PLCL1: variants seen among roughly 807,000 people sequenced by gnomAD.
The protein encoded by PLCL1 is phospholipase C like 1 (inactive), also known as inactive phospholipase C-like protein 1.
PLCL1 carries 41 observed loss-of-function variants against 84.4 expected under a neutral mutation model. The observed-to-expected ratio is 0.49, with a 90% CI of 0.38 to 0.63. The LOEUF (loss-of-function observed/expected upper bound fraction) is 0.63. Among genes scored for constraint, PLCL1 ranks in the 30% least tolerant of loss-of-function variants. The pLI is 0.00. For synonymous variants in PLCL1, 490 were observed against 488.3 expected, an observed-to-expected ratio of 1.00 and a Z score of -0.05; for missense variants, 1,206 against 1,367.8, an observed-to-expected ratio of 0.88 and a Z score of 1.87.
intron 1 of PLCL1, among the ~76,000 whole-genome samples, chr2:197,836,295 A>T (rs1691185449): frequency 6.6e-6 from 1 of 151,824 alleles, no homozygotes; most frequent in Non-Finnish European, 1.5e-5. Context: ...AAAATACAAA[A>T]AATTAGCCGG....
intron 1 of PLCL1, among the ~76,000 whole-genome samples, chr2:197,892,796 C>A (rs1396581974): frequency 6.6e-6 from 1 of 152,126 alleles, no homozygotes; most frequent in Non-Finnish European, 1.5e-5. Flanking sequence ...AGTTCGAGAT[C>A]AGCCTGATCA....
intron 1 of PLCL1, among the ~76,000 whole-genome samples, chr2:198,002,654 G>A (rs1690629983): frequency 6.6e-6 from 1 of 152,132 alleles, no homozygotes; most frequent in Non-Finnish European, 1.5e-5. Context: ...AGATTCTTAT[G>A]CATATAAACT....
intron 2 of PLCL1, among the ~76,000 whole-genome samples, chr2:198,086,709 G>A (rs1692893515): frequency 1.3e-5 from 2 of 152,166 alleles, no homozygotes; most frequent in Non-Finnish European, 2.9e-5. Context: ...TATATTTTAT[G>A]TTTCTAACTG....
rs971010893 is a variant in PLCL1, at chr2:198,083,924, C to T, written c.407C>T (p.Thr136Ile). ...PNSRIYNRFF[T>I]LDTDLQALRW... ...TCTCGCATTTACAACCGTTTTTTCA[C>T]TCTGGACACAGACCTTCAAGCTCTT... Residue 136 changes from threonine to isoleucine, a missense_variant, in exon 2 of 6, where the codon ACT becomes ATT. Thr to Ile is a moderately conservative substitution (Grantham distance 89). Coordinates refer to ENST00000428675, the MANE Select transcript of PLCL1 (RefSeq NM_006226.4). 3.1e-5 allele frequency: 50 copies of T among 1,613,998 alleles called. No individual in the cohort carries two copies. The highest frequency in any genetic ancestry group is 4.2e-5 in the Non-Finnish European group (49 of 1,179,998).
At chr2:198,113,039 A>T (rs1245149192) in intron 5 of PLCL1, among the ~76,000 whole-genome samples, 5 of 151,942 alleles carry the variant, frequency 3.3e-5, no homozygotes, top group Non-Finnish European at 7.4e-5. Flanking sequence ...TGTAGAGTAT[A>T]CATTTAGAAG....
intron 5 of PLCL1, among the ~76,000 whole-genome samples, chr2:198,106,927 C>G (rs1353104410): frequency 2.6e-5 from 4 of 151,806 alleles, no homozygotes. Context: ...TAACTCACGC[C>G]CATGGTTCTA....
intron 1 of PLCL1, among the ~76,000 whole-genome samples, chr2:197,930,699 AT>A (rs1474898168): frequency 6.6e-6 from 1 of 152,084 alleles, no homozygotes; most frequent in Non-Finnish European, 1.5e-5. Context: ...GTGAGGAAGA[AT>A]TGTAATCAGT....
chr2:198,116,890 A>G (rs1693760745), intron 5 of PLCL1, among the ~76,000 whole-genome samples: 2 of 151,924 alleles, frequency 1.3e-5, no homozygotes, highest in Admixed American at 1.3e-4. Context: ...TTTATTTAAA[A>G]GATAACTATT....
intron 1 of PLCL1, among the ~76,000 whole-genome samples, chr2:198,083,111 T>C (rs768532613): frequency 9.2e-5 from 14 of 152,240 alleles, no homozygotes; most frequent in Non-Finnish European, 1.8e-4. Context: ...CTGTGCCTGC[T>C]AATAACATTG....
intron 1 of PLCL1, among the ~76,000 whole-genome samples, chr2:197,835,730 A>G (rs1419803517): frequency 6.6e-6 from 1 of 152,248 alleles, no homozygotes; most frequent in Non-Finnish European, 1.5e-5. Context: ...ATTACATGAG[A>G]CAACGTATGT....
chr2:197,990,844 G>A (rs539196458), intron 1 of PLCL1, among the ~76,000 whole-genome samples: 1 of 152,296 alleles, frequency 6.6e-6, no homozygotes, highest in East Asian at 1.9e-4. Context: ...AAGTGGAAAT[G>A]TAGAGTCTGG....
chr2:197,943,196 C>CAAA (rs869096042), intron 1 of PLCL1, among the ~76,000 whole-genome samples: 6 of 104,954 alleles, frequency 5.7e-5, no homozygotes, highest in South Asian at 3.4e-4. Context: ...GACCCTCTCT[C>CAAA]AAAAAAAAAA....
intron 1 of PLCL1, among the ~76,000 whole-genome samples, chr2:197,992,360 G>A (rs559589748): frequency 2.0e-5 from 3 of 152,066 alleles, no homozygotes; most frequent in South Asian, 2.1e-4. Flanking sequence ...GACCTCATGC[G>A]CTCAGGTGAT....
intron 1 of PLCL1, among the ~76,000 whole-genome samples, chr2:198,064,506 G>T (rs1692279123): frequency 6.6e-6 from 1 of 152,024 alleles, no homozygotes; most frequent in East Asian, 1.9e-4. Context: ...GTAATTTAAG[G>T]CTTAGCCACA....
At chr2:197,842,922 A>G (rs2105671201) in intron 1 of PLCL1, among the ~76,000 whole-genome samples, 1 of 152,328 alleles carries the variant, frequency 6.6e-6, no homozygotes, top group East Asian at 1.9e-4. Context: ...GCAGTAAGGA[A>G]TAGGAAAGAA....
At chr2:198,095,793 T>C (rs911978816) in intron 3 of PLCL1, among the ~76,000 whole-genome samples, 2 of 152,234 alleles carry the variant, frequency 1.3e-5, no homozygotes, top group Non-Finnish European at 2.9e-5. Flanking sequence ...ATCGTGTTTT[T>C]ATGCATGTAG....
intron 3 of PLCL1, among the ~76,000 whole-genome samples, chr2:198,090,278 G>C (rs940879458): frequency 4.6e-5 from 7 of 152,254 alleles, no homozygotes; most frequent in South Asian, 4.2e-4. Context: ...TAAAATGGGA[G>C]ATAGGATTTA....
intron 5 of PLCL1, among the ~76,000 whole-genome samples, chr2:198,106,912 AT>A (rs1168600819): frequency 6.6e-6 from 1 of 151,786 alleles, no homozygotes; most frequent in Non-Finnish European, 1.5e-5. Context: ...CCAGCCTGCA[AT>A]TTTTAACTCA....
At chr2:198,061,477 G>C (rs960407999) in intron 1 of PLCL1, among the ~76,000 whole-genome samples, 3 of 152,088 alleles carry the variant, frequency 2.0e-5, no homozygotes, top group African/African-American at 7.2e-5. Context: ...TGTTGCCTAA[G>C]AGGGGAAGGA....
Sources: allele counts gnomAD v4.1 joint callset (sites outside exome capture counted in the v4.1 genomes callset), GRCh38; gene constraint gnomAD v4.1.1; transcripts MANE v1.5; gene names NCBI Gene and HGNC (gene_info 2026-07-23, HGNC 2026-07-21).